The following FYB1 variants were observed in gnomAD, a reference collection of about 807,000 sequenced individuals.
FYB1 encodes the protein FYN-binding protein 1.
Under a neutral mutation model 94.1 loss-of-function variants are expected in FYB1, and 41 were observed. The ratio of observed to expected loss-of-function variants is 0.44; its 90% CI spans 0.34 to 0.57. FYB1 has a LOEUF of 0.57. FYB1 is among the 20% of genes least tolerant of loss of function. The pLI is 0.02. For synonymous variants in FYB1, 367 were observed against 353.2 expected (o/e 1.04, Z -0.44); for missense variants, 1,050 against 976.8 (o/e 1.07, Z -1.00).
chr5:39,211,322 CTTTT>C (rs70982549), intron 1 of FYB1, among the ~76,000 whole-genome samples: 11 of 118,490 alleles, frequency 9.3e-5, no homozygotes, highest in Non-Finnish European at 5.5e-5. Context: ...CTTTTCTTTT[CTTTT>C]TTTTTTTTTT....
intron 4 of FYB1, chr5:39,139,632 A>T (rs1741982777): frequency 6.5e-6 from 1 of 154,232 alleles, no homozygotes; most frequent in African/African-American, 2.4e-5. Context: ...ATTTGTTTTT[A>T]TGTATCAAAC....
intron 1 of FYB1, among the ~76,000 whole-genome samples, chr5:39,254,266 G>A (rs1365741936): frequency 2.6e-5 from 4 of 152,086 alleles, no homozygotes; most frequent in East Asian, 1.9e-4. Flanking sequence ...TTGAGGAATC[G>A]CCATACTGTC....
At chr5:39,188,537 G>A in intron 2 of FYB1, among the ~76,000 whole-genome samples, 1 of 91,034 alleles carries the variant, frequency 1.1e-5, no homozygotes, top group Admixed American at 1.4e-4. Context: ...ATCAACTACA[G>A]CACTTTTTTT....
intron 3 of FYB1, among the ~76,000 whole-genome samples, chr5:39,145,571 A>G (rs1315066989): frequency 2.6e-5 from 4 of 152,226 alleles, no homozygotes; most frequent in Non-Finnish European, 4.4e-5. Context: ...AAGTACTTAA[A>G]GGAAAATAGG....
chr5:39,145,654 C>T (rs1742575313), intron 3 of FYB1, among the ~76,000 whole-genome samples: 1 of 152,132 alleles, frequency 6.6e-6, no homozygotes, highest in Admixed American at 6.5e-5. Context: ...TTAAAATACA[C>T]TGACATTGTA....
intron 1 of FYB1, among the ~76,000 whole-genome samples, chr5:39,250,107 A>C (rs1047804943): frequency 2.6e-5 from 4 of 152,018 alleles, no homozygotes; most frequent in African/African-American, 9.7e-5. Context: ...CATGATTGTA[A>C]ATTTCCTGAG....
chr5:39,122,222 A>C, intron 14 of FYB1, 114 bp downstream of exon 14: 1 of 682,910 alleles, frequency 1.5e-6, no homozygotes, highest in Non-Finnish European at 2.6e-6. Context: ...AGGAGTCCAG[A>C]GCCAACAGGA....
intron 1 of FYB1, among the ~76,000 whole-genome samples, chr5:39,272,566 GGAGGCT>G (rs1752696661): frequency 6.6e-6 from 1 of 151,140 alleles, no homozygotes; most frequent in Admixed American, 6.6e-5. Context: ...CAGCTAGTCG[GGAGGCT>G]GAGGCAGGAG....
At chr5:39,195,048 C>A (rs138146945) in intron 2 of FYB1, among the ~76,000 whole-genome samples, 167 of 152,270 alleles carry the variant, frequency 1.1e-3, no homozygotes, top group Admixed American at 3.3e-3. Flanking sequence ...CGCCGTTGAG[C>A]AACTCCAAAT....
intron 1 of FYB1, among the ~76,000 whole-genome samples, chr5:39,225,084 G>T (rs1465141357): frequency 1.3e-5 from 2 of 152,074 alleles, no homozygotes; most frequent in Admixed American, 6.6e-5. Flanking sequence ...TCCCCACTTC[G>T]CATCCTTTAG....
At position 39,212,559 on chromosome 5, in the gene FYB1, C is replaced by T. The variant is rs190033180; in HGVS notation, c.-28+6884G>A. 5.9e-5 allele frequency: 9 copies of T among 152,260 alleles called. No individual in the cohort carries two copies. In the East Asian group the frequency reaches 7.7e-4, roughly 13 times the overall value. The allele number at this position is 152,260 out of a possible 1,614,324, so 9.4% of individuals were successfully genotyped here. A position where few individuals can be genotyped will look rare whatever the true frequency, so the allele number is the denominator to read the frequency against. On this transcript the variant is annotated intron_variant, in intron 1 of 18. Coordinates refer to ENST00000512982, the MANE Select transcript of FYB1 (RefSeq NM_001465.6). ...TTCTCCTTTAGAGCTTTGAAGAAAACGCATTTGGTATTTAGTAATCAGGAT... is the reference window on the plus strand; with the variant it reads ...TTCTCCTTTAGAGCTTTGAAGAAAATGCATTTGGTATTTAGTAATCAGGAT...
At chr5:39,204,540 C>CAGTT (rs1748672866) in intron 1 of FYB1, among the ~76,000 whole-genome samples, 1 of 152,178 alleles carries the variant, frequency 6.6e-6, no homozygotes, top group African/African-American at 2.4e-5. Flanking sequence ...TGCTACCTAA[C>CAGTT]AGTTGTAGGA....
intron 2 of FYB1, among the ~76,000 whole-genome samples, chr5:39,177,254 C>T (rs1356984168): frequency 6.6e-6 from 1 of 152,166 alleles, no homozygotes. Flanking sequence ...TTTATTGTTT[C>T]TGTTGCTGCC....
intron 2 of FYB1, among the ~76,000 whole-genome samples, chr5:39,176,137 GTTTTTTT>G (rs70982547): frequency 3.2e-5 from 2 of 61,640 alleles, no homozygotes; most frequent in Admixed American, 2.6e-4. Flanking sequence ...TTTTTTTTCT[GTTTTTTT>G]TTTTTTTTTT....
At chr5:39,271,071 T>A (rs1467188172) in intron 1 of FYB1, among the ~76,000 whole-genome samples, 2 of 152,078 alleles carry the variant, frequency 1.3e-5, no homozygotes, top group Non-Finnish European at 2.9e-5. Context: ...AAGTTTTCTA[T>A]CTTGGGTATA....
chr5:39,163,055 T>C (rs1240408557), intron 2 of FYB1, among the ~76,000 whole-genome samples: 1 of 152,204 alleles, frequency 6.6e-6, no homozygotes, highest in East Asian at 1.9e-4. Context: ...TATTGTTATG[T>C]AGGTAAAAGT....
rs1337831676 is a variant in FYB1 at position 39,134,277 on chromosome 5, G to C, written c.1748C>G (p.Ala583Gly). Residue 583 changes from alanine (A) to glycine (G), a missense_variant, in exon 9 of 19, where the codon GCC becomes GGC. Physicochemically the swap from Ala to Gly is moderately conservative, Grantham distance 60 (BLOSUM62 0). Transcript: ENST00000512982. ...GTCATCTTCAATAGGTCTTGAAGGG[G>C]CACCAAGAGAGTCTTTTTTCAGTTT... ...SLKLKKDSLG[A>G]PSRPIEDDQE... is the part of the protein sequence containing the mutation. 1.2e-6 allele frequency: 2 copies of C among 1,608,546 alleles called. No homozygotes were observed. The highest frequency in any genetic ancestry group is 1.7e-6 in the Non-Finnish European group (2 of 1,175,176).
At chr5:39,273,593 C>T (rs1752723030) in intron 1 of FYB1, among the ~76,000 whole-genome samples, 2 of 152,182 alleles carry the variant, frequency 1.3e-5, no homozygotes, top group Non-Finnish European at 2.9e-5. Context: ...TGCAATTAGT[C>T]CTGCTAATAG....
upstream of FYB1, among the ~76,000 whole-genome samples, chr5:39,223,128 A>T (rs1750339006): frequency 2.6e-5 from 4 of 152,058 alleles, no homozygotes; most frequent in Admixed American, 6.6e-5. Context: ...AATAAAATAA[A>T]ATTTAAAAAT....
Sources: allele counts gnomAD v4.1 joint callset (sites outside exome capture counted in the v4.1 genomes callset), GRCh38; gene constraint gnomAD v4.1.1; transcripts MANE v1.5; gene names NCBI Gene and HGNC (gene_info 2026-07-23, HGNC 2026-07-21).